Variants in PEBP4 observed in about 807,000 individuals in gnomAD.
PEBP4 encodes phosphatidylethanolamine binding protein 4, also known as phosphatidylethanolamine-binding protein 4.
In PEBP4, 22 loss-of-function variants were observed where a neutral mutation model predicts 23.9. The observed-to-expected ratio is 0.92, with a 90% CI of 0.66 to 1.31. The LOEUF is 1.31. PEBP4 is among the 40% of genes most tolerant of loss of function. The pLI is 0.00. For missense variants in PEBP4, 324 were observed against 281.7 expected (o/e 1.15, Z -1.07); for synonymous variants, 112 against 99.3 (o/e 1.13, Z -0.76).
intron 3 of PEBP4, among the ~76,000 whole-genome samples, chr8:22,844,842 G>A (rs1339704867): frequency 3.3e-5 from 5 of 152,148 alleles, no homozygotes; most frequent in Non-Finnish European, 5.9e-5. Flanking sequence ...TTAGTTGATT[G>A]GACCATGGTG....
chr8:22,925,767 T>A (rs1474984887), intron 2 of PEBP4, among the ~76,000 whole-genome samples: 2 of 152,184 alleles, frequency 1.3e-5, no homozygotes, highest in Non-Finnish European at 2.9e-5. Context: ...GCCCTTATTG[T>A]GGCCCAGGCC....
At chr8:22,840,568 G>T (rs572911109) in intron 3 of PEBP4, among the ~76,000 whole-genome samples, 2 of 152,104 alleles carry the variant, frequency 1.3e-5, no homozygotes, top group Admixed American at 1.3e-4. Flanking sequence ...GGAATTGGAA[G>T]GGTGAGAACT....
chr8:22,936,876 C>CA (rs1186342179), intron 1 of PEBP4, among the ~76,000 whole-genome samples: 4 of 151,976 alleles, frequency 2.6e-5, no homozygotes, highest in Admixed American at 2.0e-4. Context: ...TCAATTGATG[C>CA]AAAAAAAGCA....
chr8:22,894,691 C>A lies in PEBP4; in HGVS notation c.258+25493G>T, dbSNP rs1015805577. Among the ~76,000 whole-genome samples, 7 of 152,288 alleles carry A rather than the reference C, an allele frequency of 4.6e-5. No individual in the cohort carries two copies. The South Asian group carries it at 8.3e-4, about 18-fold the overall frequency. On this transcript the variant is annotated intron_variant, in intron 3 of 6. Transcript: ENST00000256404. ...TCTCCCACGGTTTGTAGTTTCAGGG[C>A]CAACAAAACTGAAATCAGAAGTGAA...
chr8:22,817,547 C>G, intron 4 of PEBP4, 90 bp downstream of exon 4: 1 of 1,260,750 alleles, frequency 7.9e-7, no homozygotes, highest in Non-Finnish European at 1.2e-6. Flanking sequence ...TCGCTCCAAC[C>G]TTCCTGGATG....
intron 3 of PEBP4, among the ~76,000 whole-genome samples, chr8:22,872,064 A>C (rs1227782236): frequency 1.3e-5 from 2 of 152,240 alleles, no homozygotes; most frequent in Admixed American, 1.3e-4. Context: ...CACTTAGAAT[A>C]ATGGCCTTTA....
At chr8:22,839,428 C>A (rs1807275152) in intron 3 of PEBP4, among the ~76,000 whole-genome samples, 1 of 152,146 alleles carries the variant, frequency 6.6e-6, no homozygotes, top group South Asian at 2.1e-4. Context: ...GGTGGGGAGG[C>A]AGAGGCTGGA....
At chr8:22,907,966 T>C (rs963410118) in intron 3 of PEBP4, among the ~76,000 whole-genome samples, 1 of 151,882 alleles carries the variant, frequency 6.6e-6, no homozygotes, top group African/African-American at 2.4e-5. Flanking sequence ...TGAGCCAAGA[T>C]TGTGCTACTG....
chr8:22,819,615 T>C (rs1482835079), intron 3 of PEBP4, among the ~76,000 whole-genome samples: 1 of 152,090 alleles, frequency 6.6e-6, no homozygotes, highest in Non-Finnish European at 1.5e-5. Context: ...TTGTTTTGTT[T>C]TGTTTTGTTT....
chr8:22,934,286 C>T (rs1809504307), intron 1 of PEBP4, among the ~76,000 whole-genome samples: 1 of 152,108 alleles, frequency 6.6e-6, no homozygotes. Flanking sequence ...ATAATGTAAA[C>T]TCTAACATCG....
intron 4 of PEBP4, among the ~76,000 whole-genome samples, chr8:22,778,767 C>T (rs1269841438): frequency 6.6e-6 from 1 of 152,176 alleles, no homozygotes; most frequent in Non-Finnish European, 1.5e-5. Context: ...GATGGCTCCC[C>T]AGCCTTCCTT....
chr8:22,843,190 C>T (rs564115498), intron 3 of PEBP4, among the ~76,000 whole-genome samples: 105 of 151,704 alleles, frequency 6.9e-4, no homozygotes, highest in Middle Eastern at 3.4e-3. Flanking sequence ...TCTTGAACTC[C>T]GACTTCAGGT....
intron 3 of PEBP4, among the ~76,000 whole-genome samples, chr8:22,837,218 C>T (rs1050932230): frequency 2.0e-5 from 3 of 152,212 alleles, no homozygotes; most frequent in Middle Eastern, 3.2e-3. Context: ...TCGATAGCAT[C>T]CTAACTGGCC....
At chr8:22,859,482 G>A (rs747803385) in intron 3 of PEBP4, among the ~76,000 whole-genome samples, 33 of 152,184 alleles carry the variant, frequency 2.2e-4, no homozygotes, top group African/African-American at 4.8e-4. Flanking sequence ...GCAGTGGGCT[G>A]TCTCTGGCCC....
At chr8:22,837,887 A>ATTTTTTT (rs1807238608) in intron 3 of PEBP4, among the ~76,000 whole-genome samples, 1 of 88,766 alleles carries the variant, frequency 1.1e-5, no homozygotes, top group Non-Finnish European at 2.3e-5. Context: ...AGATTATTAT[A>ATTTTTTT]TTCTTTTTTT....
At chr8:22,802,935 C>T (rs930502444) in intron 4 of PEBP4, among the ~76,000 whole-genome samples, 16 of 152,134 alleles carry the variant, frequency 1.1e-4, no homozygotes, top group African/African-American at 2.9e-4. Flanking sequence ...ACCCACAGGG[C>T]GGCAGAGACT....
intron 3 of PEBP4, among the ~76,000 whole-genome samples, chr8:22,822,914 C>G (rs1046862291): frequency 1.7e-4 from 26 of 151,854 alleles, no homozygotes; most frequent in African/African-American, 6.3e-4. Context: ...AATCAAAATC[C>G]TAAATAGATG....
At chr8:22,915,121 C>T (rs11786325) in intron 3 of PEBP4, among the ~76,000 whole-genome samples, 80,501 of 151,710 alleles carry the variant, frequency 0.53, 21,863 homozygotes, top group African/African-American at 0.64. Context: ...GTCCTTAACA[C>T]CTTTTAAGCC....
intron 3 of PEBP4, among the ~76,000 whole-genome samples, chr8:22,861,792 TGGGGTA>T (rs1381380924): frequency 1.3e-5 from 2 of 152,150 alleles, no homozygotes; most frequent in Non-Finnish European, 2.9e-5. Flanking sequence ...CAGAGAGGTA[TGGGGTA>T]GGGGTGGTGG....
Sources: gnomAD v4.1 joint callset for allele counts (sites outside exome capture counted in the v4.1 genomes callset) on GRCh38, gnomAD v4.1.1 for gene constraint, MANE v1.5 for transcripts, NCBI Gene and HGNC (gene_info 2026-07-23, HGNC 2026-07-21) for gene names.